Variants in MYO5B observed in about 807,000 individuals in gnomAD.
The protein encoded by MYO5B is myosin VB, also known as unconventional myosin-Vb.
A neutral mutation model predicts 229.3 loss-of-function variants in MYO5B; 143 were observed. The ratio of observed to expected loss-of-function variants is 0.62; its 90% CI spans 0.54 to 0.72. The LOEUF (loss-of-function observed/expected upper bound fraction) is 0.72, where lower values mean the gene tolerates loss of function less well. Among genes scored for constraint, MYO5B ranks in the 30% least tolerant of loss-of-function variants. The pLI is 0.00. For synonymous variants in MYO5B, 918 were observed against 885.2 expected (o/e 1.04, Z -0.66); for missense variants, 2,321 against 2,331.0 (o/e 1.00, Z 0.09).
intron 1 of MYO5B, among the ~76,000 whole-genome samples, chr18:50,105,663 A>G (rs1170687218): frequency 6.7e-6 from 1 of 148,730 alleles, no homozygotes; most frequent in African/African-American, 2.5e-5. Context: ...TGCAGTGTGT[A>G]TTTTTCTGCA....
At chr18:50,149,405 G>A (rs2032558458) in intron 1 of MYO5B, among the ~76,000 whole-genome samples, 1 of 150,986 alleles carries the variant, frequency 6.6e-6, no homozygotes, top group South Asian at 2.1e-4. Context: ...GAACAAAGCT[G>A]GAGGCATCAT....
intron 1 of MYO5B, among the ~76,000 whole-genome samples, chr18:50,141,259 G>A (rs1456749650): frequency 6.6e-6 from 1 of 152,182 alleles, no homozygotes; most frequent in African/African-American, 2.4e-5. Context: ...CCCTTTCCAT[G>A]GCACGGACCT....
At chr18:50,001,162 G>T in intron 5 of MYO5B, 93 bp downstream of exon 5, 1 of 1,526,156 alleles carries the variant, frequency 6.6e-7, no homozygotes, top group South Asian at 1.1e-5. Context: ...AGGGAGAGGC[G>T]TGAAGGCTGC....
chr18:49,875,855 AG>A (rs762001118), intron 25 of MYO5B, 28 bp from the exon 26 acceptor site: 9 of 1,613,500 alleles, frequency 5.6e-6, no homozygotes, highest in Non-Finnish European at 7.6e-6. Flanking sequence ...CACAGAAAAA[AG>A]GTTTTCCTAA....
At chr18:49,925,756 A>G (rs16951238) in intron 17 of MYO5B, among the ~76,000 whole-genome samples, 1,933 of 152,310 alleles carry the variant, frequency 0.013, 42 homozygotes, top group African/African-American at 0.045. Context: ...GCAGCTCCCT[A>G]AGGTCCTCTT....
chr18:50,079,335 A>G (rs2031159707), intron 1 of MYO5B, among the ~76,000 whole-genome samples: 1 of 152,220 alleles, frequency 6.6e-6, no homozygotes, highest in African/African-American at 2.4e-5. Context: ...TATTCTAGGA[A>G]AATGTACCAC....
chr18:50,076,486 G>A (rs751529900), intron 1 of MYO5B, among the ~76,000 whole-genome samples: 9 of 152,198 alleles, frequency 5.9e-5, no homozygotes, highest in Non-Finnish European at 1.0e-4. Flanking sequence ...CACCTGGTGA[G>A]GCCTCCCAAG....
chr18:49,849,940 A>C (rs2024178635), intron 31 of MYO5B: 1 of 457,582 alleles, frequency 2.2e-6, no homozygotes, highest in Non-Finnish European at 4.0e-6. Flanking sequence ...AGCCTCCCCA[A>C]GCCAAGCCTC....
chr18:50,183,675 C>A (rs985954547), intron 1 of MYO5B, among the ~76,000 whole-genome samples: 23 of 146,684 alleles, frequency 1.6e-4, no homozygotes, highest in Non-Finnish European at 2.8e-4. Context: ...TTCAGGTATG[C>A]TGTGGTTTAG....
At position 50,055,353 on chromosome 18, in the gene MYO5B, G is replaced by C; in HGVS notation, c.53C>G (p.Pro18Arg). The C allele has an allele frequency of 1.2e-6, 2 of 1,613,188 alleles. No individual in the cohort carries two copies. The highest frequency in any genetic ancestry group is 1.7e-6 in the Non-Finnish European group (2 of 1,179,870). Residue 18 changes from proline to arginine, a missense_variant, in exon 2 of 40, where the codon CCT (proline) becomes CGT (arginine). Transcript: ENST00000285039. ...SQCTRVWIPD[P>R]DEVWRSAELT... ...CTCAGCTGAGCGCCATACCTCATCA[G>C]GGTCAGGGATCCAGACCCTTGTGCA...
chr18:49,953,228 C>T, intron 14 of MYO5B, 32 bp downstream of exon 14: 2 of 1,594,728 alleles, frequency 1.3e-6, no homozygotes, highest in Non-Finnish European at 1.7e-6. Flanking sequence ...GTGGGCATTC[C>T]TGCTCCACTC....
intron 22 of MYO5B, among the ~76,000 whole-genome samples, chr18:49,887,037 G>T (rs928795969): frequency 6.6e-6 from 1 of 152,102 alleles, no homozygotes; most frequent in African/African-American, 2.4e-5. Context: ...TGGGTCATGG[G>T]GGTGGATCCC....
At chr18:50,117,702 A>G (rs1016567549) in intron 1 of MYO5B, among the ~76,000 whole-genome samples, 6 of 152,166 alleles carry the variant, frequency 3.9e-5, no homozygotes, top group Non-Finnish European at 7.3e-5. Flanking sequence ...CAGGAGAGAA[A>G]GAAAAGCTAC....
At chr18:50,002,035 C>CA (rs34864756) in intron 4 of MYO5B, among the ~76,000 whole-genome samples, 72,405 of 129,252 alleles carry the variant, frequency 0.56, 20,465 homozygotes, top group South Asian at 0.68. Context: ...AACTCCGTCT[C>CA]AAAAAAAAAA....
intron 1 of MYO5B, among the ~76,000 whole-genome samples, chr18:50,126,082 T>C (rs2032157864): frequency 6.6e-6 from 1 of 152,196 alleles, no homozygotes; most frequent in Non-Finnish European, 1.5e-5. Flanking sequence ...TTGCACACAA[T>C]GTGAACGTAC....
At chr18:50,087,512 G>T (rs2031355731) in intron 1 of MYO5B, among the ~76,000 whole-genome samples, 1 of 150,084 alleles carries the variant, frequency 6.7e-6, no homozygotes, top group Non-Finnish European at 1.5e-5. Flanking sequence ...AGTGGAGGTT[G>T]CAGTGAGGTG....
rs200171349 is a variant in MYO5B at position 49,826,641 on chromosome 18, A to G, written c.5395-18T>C. The G allele has an allele frequency of 2.7e-5, 44 of 1,612,280 alleles. No homozygotes were observed. The highest frequency in any genetic ancestry group is 3.6e-5 in the Non-Finnish European group (43 of 1,179,706). ...AGTTGTGCCTATGGGGAAGAATAAGACCATGTAAAGTTTGAGTACCCCTAA... is the reference window on the plus strand; with the variant it reads ...AGTTGTGCCTATGGGGAAGAATAAGGCCATGTAAAGTTTGAGTACCCCTAA... On this transcript the variant is annotated intron_variant, in intron 39 of 39. Transcript: ENST00000285039.
intron 17 of MYO5B, among the ~76,000 whole-genome samples, chr18:49,928,977 T>TG (rs1442152521): frequency 6.6e-6 from 1 of 150,558 alleles, no homozygotes; most frequent in East Asian, 1.9e-4. Flanking sequence ...GAAAGGGGGG[T>TG]GATGGTGAGG....
chr18:50,004,699 C>A lies in MYO5B; in HGVS notation c.456-3288G>T, dbSNP rs528305039. Among the ~76,000 whole-genome samples the A allele has an allele frequency of 2.6e-5, 4 of 152,226 alleles. No individual in the cohort carries two copies. The South Asian group carries it at 6.2e-4, about 24-fold the overall frequency. On this transcript the variant is annotated intron_variant, in intron 4 of 39. Transcript: ENST00000285039. ...AGGAGGATCATGAGAGCCCATGAGT[C>A]CAAAGGCTATGATAAGCTCTGATCA... is the stretch of plus-strand genomic sequence containing the variant.
Sources: gnomAD v4.1 joint callset for allele counts (sites outside exome capture counted in the v4.1 genomes callset) on GRCh38, gnomAD v4.1.1 for gene constraint, MANE v1.5 for transcripts, NCBI Gene and HGNC (gene_info 2026-07-23, HGNC 2026-07-21) for gene names.